The following ATRN variants were observed in gnomAD, a reference collection of about 807,000 sequenced individuals.
ATRN encodes the protein attractin.
Under a neutral mutation model 178.7 loss-of-function variants are expected in ATRN, and 54 were observed. That is an observed-to-expected ratio of 0.30 (90% confidence interval 0.24 to 0.38). ATRN has a LOEUF of 0.38. Among genes scored for constraint, ATRN ranks in the 10% least tolerant of loss-of-function variants. The pLI, the probability that ATRN is intolerant of heterozygous loss-of-function variation, is 1.00. For missense variants in ATRN, 1,443 were observed against 1,815.1 expected, an observed-to-expected ratio of 0.79 and a Z score of 3.73; for synonymous variants, 636 against 663.0, an observed-to-expected ratio of 0.96 and a Z score of 0.63.
chr20:3,583,058 A>G (rs2086302760), intron 16 of ATRN, among the ~76,000 whole-genome samples: 1 of 152,226 alleles, frequency 6.6e-6, no homozygotes, highest in South Asian at 2.1e-4. Context: ...CTCCATTTGC[A>G]TTGTGTCCAA....
At chr20:3,489,687 G>C (rs187311132) in intron 1 of ATRN, 7 of 1,571,642 alleles carry the variant, frequency 4.5e-6, no homozygotes, top group Non-Finnish European at 6.1e-6. Flanking sequence ...TTCAATCTGC[G>C]TCACATTAGC....
At chr20:3,527,138 C>G (rs2085376560) in intron 1 of ATRN, among the ~76,000 whole-genome samples, 1 of 152,098 alleles carries the variant, frequency 6.6e-6, no homozygotes, top group Non-Finnish European at 1.5e-5. Flanking sequence ...TCAGAGTGAA[C>G]AGGCAACCTA....
At chr20:3,635,084 G>A (rs1031424557) in intron 26 of ATRN, among the ~76,000 whole-genome samples, 1 of 151,944 alleles carries the variant, frequency 6.6e-6, no homozygotes, top group Non-Finnish European at 1.5e-5. Flanking sequence ...ATTGGAGACC[G>A]TTATTCTAAG....
At chr20:3,512,107 A>ATATATATATATATATATT in intron 1 of ATRN, among the ~76,000 whole-genome samples, 9 of 106,386 alleles carry the variant, frequency 8.5e-5, no homozygotes, top group South Asian at 2.9e-4. Flanking sequence ...ATATATATAT[A>ATATATATATATATATATT]TTTTTTTTTT....
At chr20:3,587,264 A>C (rs555062874) in intron 18 of ATRN, among the ~76,000 whole-genome samples, 2 of 152,034 alleles carry the variant, frequency 1.3e-5, no homozygotes, top group Non-Finnish European at 2.9e-5. Flanking sequence ...ATTTTATCCC[A>C]TGTGCTTTTT....
At chr20:3,590,871 C>T (rs1187198049) in intron 18 of ATRN, among the ~76,000 whole-genome samples, 1 of 152,048 alleles carries the variant, frequency 6.6e-6, no homozygotes, top group Non-Finnish European at 1.5e-5. Flanking sequence ...TTTCCCCATC[C>T]TTCTATTTTT....
At chr20:3,538,244 T>C (rs2085568050) in intron 2 of ATRN, among the ~76,000 whole-genome samples, 1 of 152,210 alleles carries the variant, frequency 6.6e-6, no homozygotes, top group Non-Finnish European at 1.5e-5. Context: ...TTTTCTTTTT[T>C]CTATGAGTGG....
intron 11 of ATRN, among the ~76,000 whole-genome samples, chr20:3,569,268 C>A (rs1022608358): frequency 4.6e-5 from 7 of 152,130 alleles, no homozygotes; most frequent in Non-Finnish European, 5.9e-5. Context: ...AGTGTACTTA[C>A]ATAAACTTAG....
Position 3,572,871 on chromosome 20 carries a change from G to C in ATRN, c.2012G>C (p.Gly671Ala), listed in dbSNP as rs773424195. The change falls in exon 12 of 29, where the codon GGG becomes GCG. Residue 671 changes from glycine to alanine, a missense_variant. Gly to Ala is a moderately conservative substitution (Grantham distance 60, BLOSUM62 0). This residue lies in a region of ATRN where 862 missense variants were observed against 972.1 expected (regional missense o/e 0.89). Transcript: ENST00000262919. ...GGTATTCGGTGTGTGTGGAACACAG[G>C]GTCGTCTCAGTGTATCTCGTGGGCG... is the stretch of plus-strand genomic sequence containing the variant. ...GPGIRCVWNT[G>A]SSQCISWALA... 1.2e-6 allele frequency: 2 copies of C among 1,613,868 alleles called. No individual in the cohort carries two copies. The highest frequency in any genetic ancestry group is 1.1e-5 in the South Asian group (1 of 91,054).
intron 25 of ATRN, among the ~76,000 whole-genome samples, chr20:3,628,529 G>T (rs75351465): frequency 0.017 from 2,585 of 152,198 alleles, 72 homozygotes; most frequent in African/African-American, 0.059. Context: ...ATCCTGCTTC[G>T]TCCCACCTGG....
At chr20:3,521,215 G>A (rs2085291066) in intron 1 of ATRN, among the ~76,000 whole-genome samples, 1 of 152,056 alleles carries the variant, frequency 6.6e-6, no homozygotes, top group South Asian at 2.1e-4. Flanking sequence ...AATGAATGAA[G>A]GTGTATGCAA....
At chr20:3,591,479 T>C (rs1283912403) in intron 19 of ATRN, among the ~76,000 whole-genome samples, 173 bp downstream of exon 19, 1 of 152,246 alleles carries the variant, frequency 6.6e-6, no homozygotes, top group African/African-American at 2.4e-5. Context: ...AAGGTTTCAG[T>C]GTAGCTGGTT....
At chr20:3,545,627 A>G (rs780508069) in intron 3 of ATRN, 135 bp from the exon 4 acceptor site, 6 of 1,082,154 alleles carry the variant, frequency 5.5e-6, no homozygotes, top group South Asian at 1.6e-5. Context: ...CTGTGTGTTT[A>G]TCACAGGAAT....
In ATRN at chr20:3,471,049, G is replaced by A. The variant is rs1051335433; in HGVS notation, c.-59G>A. 1 of 1,446,840 alleles carries A rather than the reference G, an allele frequency of 6.9e-7. No individual in the cohort carries two copies. Among genetic ancestry groups the A allele is most frequent in the Non-Finnish European group, 9.0e-7 (1 of 1,106,054 alleles). 89.6% of individuals were successfully genotyped at this position (1,446,840 alleles called of 1,614,324 possible). ...CCGCCCCGCACGGCCAGGCGAAGCGGAGCCGGCCGTGCGGTGTGTGTGTAT... is the reference window on the plus strand; with the variant it reads ...CCGCCCCGCACGGCCAGGCGAAGCGAAGCCGGCCGTGCGGTGTGTGTGTAT... On this transcript the variant is annotated 5_prime_UTR_variant, in exon 1 of 29. Coordinates refer to ENST00000262919, the MANE Select transcript of ATRN (RefSeq NM_139321.3).
intron 6 of ATRN, among the ~76,000 whole-genome samples, chr20:3,553,797 C>T (rs2085822802): frequency 6.6e-6 from 1 of 152,230 alleles, no homozygotes; most frequent in Non-Finnish European, 1.5e-5. Context: ...CTTTAGATCT[C>T]AGTGTGGTTT....
chr20:3,555,973 A>G (rs574682376), intron 6 of ATRN, among the ~76,000 whole-genome samples: 3 of 152,340 alleles, frequency 2.0e-5, no homozygotes, highest in African/African-American at 7.2e-5. Context: ...GATCAACTTA[A>G]TGAGAATTTG....
At chr20:3,476,733 G>T (rs2084536772) in intron 1 of ATRN, among the ~76,000 whole-genome samples, 1 of 152,142 alleles carries the variant, frequency 6.6e-6, no homozygotes, top group Non-Finnish European at 1.5e-5. Flanking sequence ...GGTGGCGAGC[G>T]CCTGTAATCC....
At chr20:3,505,972 A>G (rs2085037617) in intron 1 of ATRN, among the ~76,000 whole-genome samples, 1 of 152,220 alleles carries the variant, frequency 6.6e-6, no homozygotes, top group Non-Finnish European at 1.5e-5. Flanking sequence ...GAATCCTTAT[A>G]GTGTTGAAAC....
chr20:3,646,248 G>C (rs1027512484), intron 28 of ATRN, among the ~76,000 whole-genome samples: 1 of 152,192 alleles, frequency 6.6e-6, no homozygotes, highest in Non-Finnish European at 1.5e-5. Flanking sequence ...TGCTGACTGA[G>C]TGATAGGGGT....
Sources: allele counts gnomAD v4.1 joint callset (sites outside exome capture counted in the v4.1 genomes callset), GRCh38; gene constraint gnomAD v4.1.1; regional missense constraint gnomAD v4.1.1; transcripts MANE v1.5; gene names NCBI Gene and HGNC (gene_info 2026-07-23, HGNC 2026-07-21).